Variants in PDE6D observed in about 807,000 individuals in gnomAD.
PDE6D encodes phosphodiesterase 6D, also known as retinal rod rhodopsin-sensitive cGMP 3',5'-cyclic phosphodiesterase subunit delta.
PDE6D carries 10 observed loss-of-function variants against 21.9 expected under a neutral mutation model. The observed-to-expected ratio is 0.46, with a 90% CI of 0.28 to 0.78. PDE6D has a LOEUF of 0.78. Among genes scored for constraint, PDE6D ranks in the 30% least tolerant of loss-of-function variants. The pLI is 0.12. For synonymous variants in PDE6D, 59 were observed against 63.5 expected, an observed-to-expected ratio of 0.93 and a Z score of 0.34; for missense variants, 139 against 184.8, an observed-to-expected ratio of 0.75 and a Z score of 1.44.
At chr2:231,770,953 C>CA (rs748582712) in intron 1 of PDE6D, among the ~76,000 whole-genome samples, 7,256 of 129,480 alleles carry the variant, frequency 0.056, 506 homozygotes, top group African/African-American at 0.17. Context: ...GACTTCATTT[C>CA]AAAAAAAAAA....
intron 1 of PDE6D, among the ~76,000 whole-genome samples, chr2:231,777,644 G>A: frequency 6.6e-6 from 1 of 151,762 alleles, no homozygotes; most frequent in Non-Finnish European, 1.5e-5. Flanking sequence ...ATGTGTATAG[G>A]TACAAGAAGA....
chr2:231,765,359 A>G (rs2048961729), intron 1 of PDE6D, among the ~76,000 whole-genome samples: 1 of 152,138 alleles, frequency 6.6e-6, no homozygotes, highest in South Asian at 2.1e-4. Flanking sequence ...CAACCCACCA[A>G]CGAACCAAAA....
At chr2:231,754,468 T>C (rs2048867601) in intron 1 of PDE6D, among the ~76,000 whole-genome samples, 1 of 150,792 alleles carries the variant, frequency 6.6e-6, no homozygotes, top group Admixed American at 6.6e-5. Flanking sequence ...GTGATTATCC[T>C]GCCTCAGCCT....
At chr2:231,736,041 A>C (rs2048698308) in intron 4 of PDE6D, among the ~76,000 whole-genome samples, 1 of 152,032 alleles carries the variant, frequency 6.6e-6, no homozygotes, top group South Asian at 2.1e-4. Context: ...AAAAAAAAAA[A>C]AAACTTAAAA....
chr2:231,757,587 C>T (rs964729793), intron 1 of PDE6D, among the ~76,000 whole-genome samples: 4 of 152,112 alleles, frequency 2.6e-5, no homozygotes, highest in Admixed American at 6.5e-5. Context: ...CCACTGCGCT[C>T]GGCTAAACAG....
chr2:231,777,717 T>G (rs1259954131), intron 1 of PDE6D, among the ~76,000 whole-genome samples: 1 of 152,174 alleles, frequency 6.6e-6, no homozygotes. Flanking sequence ...GAAAATTTAG[T>G]ATATGACAAG....
intron 1 of PDE6D, among the ~76,000 whole-genome samples, chr2:231,757,280 A>C (rs973163727): frequency 6.6e-6 from 1 of 151,542 alleles, no homozygotes; most frequent in Non-Finnish European, 1.5e-5. Flanking sequence ...CCAAACACTA[A>C]AAGTTTCAAG....
chr2:231,750,046 G>T (rs1288871425), intron 1 of PDE6D, among the ~76,000 whole-genome samples: 2 of 152,100 alleles, frequency 1.3e-5, no homozygotes, highest in Non-Finnish European at 2.9e-5. Flanking sequence ...GAGGGATTTA[G>T]GGGGGAGGTA....
intron 1 of PDE6D, among the ~76,000 whole-genome samples, chr2:231,773,999 T>C (rs1298178854): frequency 2.0e-5 from 3 of 152,250 alleles, no homozygotes; most frequent in Non-Finnish European, 4.4e-5. Context: ...ACTGGCGTGA[T>C]CTCGGCTCAC....
At chr2:231,777,328 A>C (rs1022573178) in intron 1 of PDE6D, among the ~76,000 whole-genome samples, 1 of 152,184 alleles carries the variant, frequency 6.6e-6, no homozygotes, top group Admixed American at 6.5e-5. Flanking sequence ...ACTTTTATGC[A>C]GTATCTTTAA....
rs578204525 is a variant in PDE6D at position 231,745,233 on chromosome 2, A to C, written c.51-6045T>G. On this transcript the variant is annotated intron_variant, in intron 1 of 4. Coordinates refer to ENST00000287600, the MANE Select transcript of PDE6D (RefSeq NM_002601.4). ...GCCAAAACAAAAACAAAAACACACA[A>C]AAAAAACCGAGGAAACATTTGGCTA... Among the ~76,000 whole-genome samples the C allele has an allele frequency of 2.7e-3, 411 of 152,278 alleles. 2 individuals are homozygous for C. The highest frequency in any genetic ancestry group is 7.3e-3 in the African/African-American group (303 of 41,558).
At chr2:231,743,444 A>AG (rs1205406352) in intron 1 of PDE6D, among the ~76,000 whole-genome samples, 1 of 151,878 alleles carries the variant, frequency 6.6e-6, no homozygotes, top group Non-Finnish European at 1.5e-5. Context: ...AAAAAAAAAA[A>AG]AAAAAGAAAA....
chr2:231,755,792 T>C (rs945047686), intron 1 of PDE6D, among the ~76,000 whole-genome samples: 1 of 152,082 alleles, frequency 6.6e-6, no homozygotes, highest in African/African-American at 2.4e-5. Flanking sequence ...TGGTGGCGCA[T>C]GCCCGTAATC....
At chr2:231,756,227 T>TG (rs1387087382) in intron 1 of PDE6D, among the ~76,000 whole-genome samples, 1 of 152,154 alleles carries the variant, frequency 6.6e-6, no homozygotes, top group East Asian at 1.9e-4. Flanking sequence ...TTGAAGTTGT[T>TG]GGAGTGGTAT....
intron 1 of PDE6D, among the ~76,000 whole-genome samples, chr2:231,764,252 C>CAAA (rs2048953292): frequency 6.6e-6 from 1 of 151,914 alleles, no homozygotes; most frequent in Admixed American, 6.6e-5. Flanking sequence ...GACTGTGTCT[C>CAAA]AACAACAACA....
intron 1 of PDE6D, among the ~76,000 whole-genome samples, chr2:231,752,515 T>C (rs2048848142): frequency 6.6e-6 from 1 of 152,238 alleles, no homozygotes; most frequent in South Asian, 2.1e-4. Flanking sequence ...TGACTTTTTA[T>C]GAACAACTTC....
chr2:231,776,734 C>A (rs374338836), intron 1 of PDE6D, among the ~76,000 whole-genome samples: 3 of 152,062 alleles, frequency 2.0e-5, no homozygotes, highest in Admixed American at 2.0e-4. Context: ...GTTGAAGGAA[C>A]GAAATGGGAA....
At chr2:231,765,677 G>A (rs1382901813) in intron 1 of PDE6D, among the ~76,000 whole-genome samples, 1 of 152,104 alleles carries the variant, frequency 6.6e-6, no homozygotes, top group Non-Finnish European at 1.5e-5. Context: ...CATTACTTTG[G>A]GGTGGAAGCA....
rs150735408 is a variant in PDE6D, at chr2:231,736,164, C to T, written c.371+1023G>A. On this transcript the variant is annotated intron_variant, in intron 4 of 4. Coordinates refer to ENST00000287600, the MANE Select transcript of PDE6D (RefSeq NM_002601.4). ...GTCCAGCCTGGGCAACATGGCAAGA[C>T]CCTGTTTTTTAAAAAAATAAAATAA... Among the ~76,000 whole-genome samples, 522 of 152,024 alleles carry T rather than the reference C, an allele frequency of 3.4e-3. 6 individuals are homozygous for T. Among genetic ancestry groups the T allele is most frequent in the African/African-American group, 0.01 (431 of 41,484 alleles).
Sources: allele counts gnomAD v4.1 joint callset (sites outside exome capture counted in the v4.1 genomes callset), GRCh38; gene constraint gnomAD v4.1.1; transcripts MANE v1.5; gene names NCBI Gene and HGNC (gene_info 2026-07-23, HGNC 2026-07-21).